The following USP48 variants were observed in gnomAD, a reference collection of about 807,000 sequenced individuals.
USP48 encodes ubiquitin carboxyl-terminal hydrolase 48.
Under a neutral mutation model 150.7 loss-of-function variants are expected in USP48, and 43 were observed. The observed-to-expected ratio is 0.29, with a 90% confidence interval of 0.22 to 0.37. The LOEUF (loss-of-function observed/expected upper bound fraction) is 0.37. Among genes scored for constraint, USP48 ranks in the 10% least tolerant of loss-of-function variants. The probability of loss-of-function intolerance (pLI) is 1.00; values close to 1 mark genes in which losing one functional copy is unlikely to be tolerated. For synonymous variants in USP48, 396 were observed against 425.9 expected (o/e 0.93, Z 0.86); for missense variants, 813 against 1,249.6 (o/e 0.65, Z 5.27).
chr1:21,750,273 A>C (rs1197112929), intron 6 of USP48, among the ~76,000 whole-genome samples: 3 of 151,882 alleles, frequency 2.0e-5, no homozygotes, highest in Non-Finnish European at 4.4e-5. Flanking sequence ...ACACATTCTC[A>C]TTTTGGGCTC....
At chr1:21,739,965 G>A (rs1421957328) in intron 8 of USP48, among the ~76,000 whole-genome samples, 2 of 152,178 alleles carry the variant, frequency 1.3e-5, no homozygotes, top group Non-Finnish European at 2.9e-5. Flanking sequence ...AGGCTGGAGC[G>A]CAATGGCGCT....
chr1:21,731,692 C>T (rs1031582686), intron 9 of USP48, among the ~76,000 whole-genome samples: 1 of 151,892 alleles, frequency 6.6e-6, no homozygotes, highest in African/African-American at 2.4e-5. Context: ...GCCAGCCTGG[C>T]CAACACAGTA....
chr1:21,779,144 G>A (rs924079897), intron 1 of USP48, among the ~76,000 whole-genome samples: 1 of 151,758 alleles, frequency 6.6e-6, no homozygotes, highest in Non-Finnish European at 1.5e-5. Flanking sequence ...AGGCTGAGGC[G>A]GGAGGATTGC....
At position 21,705,023 on chromosome 1, in the gene USP48, G is replaced by A. The variant is rs146416153; in HGVS notation, c.2385-631C>T. On this transcript the variant is annotated intron_variant, in intron 19 of 26. Transcript: ENST00000308271. ...AGCAACAGGGAAGGCGGGATGCAGA[G>A]AGGGAGGGAGAGAAAGAGGAGGGAG... Among the ~76,000 whole-genome samples, 48 of 152,232 alleles carry A rather than the reference G, an allele frequency of 3.2e-4. No homozygotes were observed. In the East Asian group the frequency reaches 9.1e-3, roughly 29 times the overall value.
intron 25 of USP48, chr1:21,685,756 A>C (rs2097578995): frequency 6.6e-6 from 1 of 152,164 alleles, no homozygotes; most frequent in African/African-American, 2.4e-5. Context: ...GTATCCTGCA[A>C]TTTTACTGAA....
intron 23 of USP48, among the ~76,000 whole-genome samples, chr1:21,691,233 GAA>G (rs2097598860): frequency 6.8e-6 from 1 of 147,344 alleles, no homozygotes; most frequent in African/African-American, 2.5e-5. Flanking sequence ...AGAATTGCTT[GAA>G]CCCAGGAGAT....
intron 23 of USP48, among the ~76,000 whole-genome samples, chr1:21,694,848 C>T (rs1292624191): frequency 6.6e-6 from 1 of 152,104 alleles, no homozygotes; most frequent in East Asian, 1.9e-4. Context: ...TGGTTCCCAG[C>T]GTTTCTCATT....
At chr1:21,773,048 G>A (rs2097886459) in intron 1 of USP48, among the ~76,000 whole-genome samples, 1 of 151,338 alleles carries the variant, frequency 6.6e-6, no homozygotes, top group African/African-American at 2.4e-5. Context: ...CACATGGTCA[G>A]GAGTTCAAGA....
Position 21,752,625 on chromosome 1 carries a change from A to G in USP48, c.567T>C (p.Phe189=). ...QQDAQEFSKL[F]MSLLEDTLSK... is the part of the protein sequence containing the mutation. ...ACAAAGTATCTTCCAATAGAGACAT[A>G]AAGAGCTTTGAAAATTCTTGAGCAT... is the stretch of plus-strand genomic sequence containing the variant. The change falls in exon 5 of 27, where the codon TTT becomes TTC. Residue 189 remains phenylalanine, a synonymous_variant. Transcript: ENST00000308271. 1 of 1,601,216 alleles carries G rather than the reference A, an allele frequency of 6.2e-7. No individual in the cohort carries two copies. Among genetic ancestry groups the G allele is most frequent in the Non-Finnish European group, 8.5e-7 (1 of 1,177,158 alleles).
intron 6 of USP48, among the ~76,000 whole-genome samples, chr1:21,748,536 C>T (rs1477587090): frequency 6.6e-6 from 1 of 152,188 alleles, no homozygotes; most frequent in African/African-American, 2.4e-5. Context: ...GGTTCTTTGT[C>T]CTGGTAATCC....
intron 23 of USP48, among the ~76,000 whole-genome samples, chr1:21,694,517 C>T (rs1319690414): frequency 8.1e-6 from 1 of 124,100 alleles, no homozygotes; most frequent in Middle Eastern, 6.1e-3. Context: ...TTGCAGTGAG[C>T]CAAGATGGCA....
chr1:21,705,885 C>A, intron 18 of USP48, 48 bp from the exon 19 acceptor site: 1 of 1,404,110 alleles, frequency 7.1e-7, no homozygotes, highest in Non-Finnish European at 9.7e-7. Flanking sequence ...TACTGCATGA[C>A]GAAAGAGAAG....
intron 1 of USP48, among the ~76,000 whole-genome samples, chr1:21,778,341 C>T (rs1314347636): frequency 6.6e-6 from 1 of 152,024 alleles, no homozygotes; most frequent in Non-Finnish European, 1.5e-5. Context: ...GACACCACTT[C>T]GCACCCACTA....
chr1:21,754,118 G>A (rs1011217773), intron 3 of USP48, among the ~76,000 whole-genome samples: 20 of 152,130 alleles, frequency 1.3e-4, no homozygotes, highest in African/African-American at 4.8e-4. Flanking sequence ...CCAAGATTGT[G>A]CCACTGCACT....
At chr1:21,772,272 A>T (rs537897461) in intron 1 of USP48, among the ~76,000 whole-genome samples, 2 of 152,266 alleles carry the variant, frequency 1.3e-5, no homozygotes, top group South Asian at 4.1e-4. Context: ...ACCAAAAGGA[A>T]AAAAAGCCCA....
chr1:21,768,716 C>A (rs1489222190), intron 1 of USP48: 1 of 150,064 alleles, frequency 6.7e-6, no homozygotes, highest in Non-Finnish European at 1.5e-5. Flanking sequence ...ATCTTCTCCT[C>A]ATGGCTCCCA....
intron 25 of USP48, among the ~76,000 whole-genome samples, chr1:21,683,845 C>T (rs1269569977): frequency 6.6e-6 from 1 of 152,118 alleles, no homozygotes; most frequent in Non-Finnish European, 1.5e-5. Flanking sequence ...AAAAGATCAG[C>T]TTTTTTAGCT....
At chr1:21,731,296 G>A (rs1312269109) in intron 9 of USP48, among the ~76,000 whole-genome samples, 9 of 151,454 alleles carry the variant, frequency 5.9e-5, no homozygotes, top group East Asian at 5.9e-4. Flanking sequence ...ACAGAATTTC[G>A]CTCGTCTCCC....
At chr1:21,752,140 C>T (rs1253168977) in intron 5 of USP48, among the ~76,000 whole-genome samples, 1 of 152,020 alleles carries the variant, frequency 6.6e-6, no homozygotes, top group Non-Finnish European at 1.5e-5. Context: ...ATGAATATAT[C>T]GCACTGTGGT....
Sources: gnomAD v4.1 joint callset for allele counts (sites outside exome capture counted in the v4.1 genomes callset) on GRCh38, gnomAD v4.1.1 for gene constraint, MANE v1.5 for transcripts, NCBI Gene and HGNC (gene_info 2026-07-23, HGNC 2026-07-21) for gene names.